Variants in SLIT3 observed in about 807,000 individuals in gnomAD.
SLIT3 encodes slit homolog 3 protein.
In SLIT3, 68 loss-of-function variants were observed where a neutral mutation model predicts 184.0. The observed-to-expected ratio is 0.37, with a 90% CI of 0.30 to 0.45. The LOEUF is 0.45. SLIT3 is among the 20% of genes least tolerant of loss of function. SLIT3 has a pLI of 1.00. For synonymous variants in SLIT3, 831 were observed against 828.6 expected (o/e 1.00, Z -0.05); for missense variants, 1,707 against 2,026.0 (o/e 0.84, Z 3.02).
chr5:168,850,190 C>T (rs1362110456), intron 5 of SLIT3, among the ~76,000 whole-genome samples: 1 of 152,210 alleles, frequency 6.6e-6, no homozygotes. Context: ...AACACTTGAT[C>T]TAAGCCACAA....
intron 5 of SLIT3, among the ~76,000 whole-genome samples, chr5:168,866,494 A>G (rs1265425892): frequency 6.6e-6 from 1 of 152,016 alleles, no homozygotes; most frequent in African/African-American, 2.4e-5. Context: ...ACCATCACCT[A>G]TCTCATCTCC....
rs114721447 is a variant in SLIT3 at position 168,886,024 on chromosome 5, C to T, written c.414-2688G>A. On this transcript the variant is annotated intron_variant, in intron 4 of 35. Transcript: ENST00000519560. ...CTTGCTGTAAATATAACCAGCCTTGCTCCTACTTTACGGAGCCAGTTGAAA... is the reference window on the plus strand; with the variant it reads ...CTTGCTGTAAATATAACCAGCCTTGTTCCTACTTTACGGAGCCAGTTGAAA... Among the ~76,000 whole-genome samples the T allele has an allele frequency of 4.6e-3, 695 of 152,306 alleles. 3 individuals are homozygous for T. The highest frequency in any genetic ancestry group is 0.016 in the African/African-American group (650 of 41,566).
chr5:168,994,416 C>T (rs1297692943), intron 4 of SLIT3, among the ~76,000 whole-genome samples: 1 of 151,984 alleles, frequency 6.6e-6, no homozygotes, highest in East Asian at 1.9e-4. Flanking sequence ...TGCTCATACC[C>T]CATAAAGGCG....
chr5:168,861,000 TCA>T (rs930887043), intron 5 of SLIT3, among the ~76,000 whole-genome samples: 1 of 152,154 alleles, frequency 6.6e-6, no homozygotes, highest in African/African-American at 2.4e-5. Context: ...CATCCAACAG[TCA>T]CCTTTACAAA....
At chr5:169,026,316 C>T (rs1201083712) in intron 4 of SLIT3, 1 of 152,178 alleles carries the variant, frequency 6.6e-6, no homozygotes, top group Non-Finnish European at 1.5e-5. Flanking sequence ...TCTAGGAGAA[C>T]TGCAATCCAA....
At chr5:169,236,230 T>C (rs1765192237) in intron 3 of SLIT3, among the ~76,000 whole-genome samples, 1 of 152,234 alleles carries the variant, frequency 6.6e-6, no homozygotes, top group Non-Finnish European at 1.5e-5. Flanking sequence ...AATTCTTTGT[T>C]TGCTTTTACG....
chr5:168,843,801 T>C (rs552144747), intron 6 of SLIT3, among the ~76,000 whole-genome samples: 1 of 152,324 alleles, frequency 6.6e-6, no homozygotes, highest in South Asian at 2.1e-4. Context: ...CAACTTTAGT[T>C]GGAATGACCC....
intron 4 of SLIT3, among the ~76,000 whole-genome samples, chr5:169,041,596 C>G (rs1271215941): frequency 4.6e-5 from 7 of 152,158 alleles, no homozygotes; most frequent in African/African-American, 1.7e-4. Context: ...CCTTCTTTCC[C>G]CAATGCAGTT....
In SLIT3 at chr5:168,684,019, GC is replaced by G. The variant is rs1561872759; in HGVS notation, c.3632del (p.Gly1211AlafsTer10). ...GGCTGTCATAGACCAGCCGCACGTG[GC>G]CCTGGTACAGCTCCAGTGCCAGGGG... is the stretch of plus-strand genomic sequence containing the variant. ...NDPLALELYQGHVRLVYDSLS... is the reference protein window; with the variant it reads ...NDPLALELYQXHVRLVYDSLS... On this transcript the variant is annotated frameshift_variant, in exon 32 of 36. Transcript: ENST00000519560. LOFTEE classifies it high-confidence loss of function. 6.2e-7 allele frequency: 1 copy of G among 1,607,014 alleles called. No homozygotes were observed.
intron 1 of SLIT3, among the ~76,000 whole-genome samples, chr5:169,271,774 G>A (rs1219480810): frequency 6.6e-6 from 1 of 152,186 alleles, no homozygotes; most frequent in African/African-American, 2.4e-5. Flanking sequence ...ATGAGTCCAA[G>A]TCTCCTTTAG....
chr5:168,982,023 A>G (rs1249929944), intron 4 of SLIT3, among the ~76,000 whole-genome samples: 1 of 152,214 alleles, frequency 6.6e-6, no homozygotes, highest in Non-Finnish European at 1.5e-5. Context: ...AACCACCTAT[A>G]TATGATATTA....
intron 20 of SLIT3, among the ~76,000 whole-genome samples, chr5:168,746,776 GGT>G (rs1754461415): frequency 1.0e-5 from 1 of 97,188 alleles, no homozygotes; most frequent in African/African-American, 4.0e-5. Context: ...GGTGGTGTGT[GGT>G]GTGTGAGTGT....
rs377024603 is a variant in SLIT3, at chr5:169,207,807, G to A, written c.342-14257C>T. On this transcript the variant is annotated intron_variant, in intron 3 of 35. Transcript: ENST00000519560. ...TTTGGGCGGTGACTGGGCCATGAGG[G>A]TGGAGCCCTCATGAATGGGATTAGT... 2.0e-4 allele frequency among the ~76,000 whole-genome samples: 31 copies of A among 152,268 alleles called. No individual in the cohort carries two copies. In the East Asian group the frequency reaches 2.3e-3, roughly 11 times the overall value.
chr5:169,229,985 C>T (rs972025786), intron 3 of SLIT3, among the ~76,000 whole-genome samples: 1 of 152,162 alleles, frequency 6.6e-6, no homozygotes, highest in African/African-American at 2.4e-5. Context: ...TGTGAATCTG[C>T]TCTTCCTTCG....
intron 1 of SLIT3, among the ~76,000 whole-genome samples, chr5:169,276,270 C>T (rs1370994121): frequency 6.6e-6 from 1 of 152,126 alleles, no homozygotes; most frequent in Non-Finnish European, 1.5e-5. Context: ...CTCCCAGATG[C>T]CAGCTGCGAC....
intron 4 of SLIT3, among the ~76,000 whole-genome samples, chr5:169,013,545 T>G (rs751442574): frequency 3.9e-5 from 6 of 152,202 alleles, no homozygotes; most frequent in Non-Finnish European, 8.8e-5. Flanking sequence ...TTCAAAGGGC[T>G]ACCTGGATGC....
At position 168,946,388 on chromosome 5, in the gene SLIT3, T is replaced by C. The variant is rs139347731; in HGVS notation, c.414-63052A>G. On this transcript the variant is annotated intron_variant, in intron 4 of 35. Transcript: ENST00000519560. ...CAGATGCTACCATGGGGCAGCAGCA[T>C]TGGGCTGGAGACATTGGGCCCCAAC... Among the ~76,000 whole-genome samples, 39 of 152,296 alleles carry C rather than the reference T, an allele frequency of 2.6e-4. No individual in the cohort carries two copies. The East Asian group carries it at 2.9e-3, about 11-fold the overall frequency.
chr5:168,709,634 G>A (rs1322319519), intron 25 of SLIT3, among the ~76,000 whole-genome samples: 2 of 152,168 alleles, frequency 1.3e-5, no homozygotes, highest in Non-Finnish European at 2.9e-5. Context: ...CCAATGGAAT[G>A]TTTTTCTGCT....
intron 4 of SLIT3, among the ~76,000 whole-genome samples, chr5:169,106,971 G>A (rs1202466512): frequency 6.6e-6 from 1 of 152,246 alleles, no homozygotes; most frequent in Admixed American, 6.5e-5. Flanking sequence ...TGCAGGAGCA[G>A]GTGAGATGCT....
Sources: gnomAD v4.1 joint callset for allele counts (sites outside exome capture counted in the v4.1 genomes callset) on GRCh38, gnomAD v4.1.1 for gene constraint, MANE v1.5 for transcripts, NCBI Gene and HGNC (gene_info 2026-07-23, HGNC 2026-07-21) for gene names.